The following ZFPM2 variants were observed in gnomAD, a reference collection of about 807,000 sequenced individuals.
The protein encoded by ZFPM2 is zinc finger protein ZFPM2.
ZFPM2 carries 20 observed loss-of-function variants against 98.6 expected under a neutral mutation model. The ratio of observed to expected loss-of-function variants is 0.20; its 90% CI spans 0.14 to 0.29. ZFPM2 has a LOEUF of 0.29. Ranked by LOEUF, ZFPM2 falls within the 10% of genes least tolerant of loss-of-function variation. The pLI is 1.00. For synonymous variants in ZFPM2, 518 were observed against 502.7 expected, an observed-to-expected ratio of 1.03 and a Z score of -0.41; for missense variants, 1,310 against 1,388.6, an observed-to-expected ratio of 0.94 and a Z score of 0.90.
At position 105,550,725 on chromosome 8, in the gene ZFPM2, G is replaced by T. The variant is rs369280107; in HGVS notation, c.302-10638G>T. 8.1e-4 allele frequency among the ~76,000 whole-genome samples: 124 copies of T among 152,262 alleles called. 1 individual carries two copies. The highest frequency in any genetic ancestry group is 2.7e-3 in the African/African-American group (112 of 41,552). On this transcript the variant is annotated intron_variant, in intron 3 of 7. Coordinates refer to ENST00000407775, the MANE Select transcript of ZFPM2 (RefSeq NM_012082.4). ...ACAAGGAGAGGCTGTGTGAATCAGGGAAGTGTTCACCAGAGAATGGCAGAT... is the reference window on the plus strand; with the variant it reads ...ACAAGGAGAGGCTGTGTGAATCAGGTAAGTGTTCACCAGAGAATGGCAGAT...
chr8:105,628,140 G>A (rs113046060), intron 4 of ZFPM2, among the ~76,000 whole-genome samples: 43 of 152,216 alleles, frequency 2.8e-4, no homozygotes, highest in African/African-American at 8.4e-4. Context: ...TAGCCCCACC[G>A]TGCTGATGTC....
At chr8:105,546,035 T>C (rs73306230) in intron 3 of ZFPM2, among the ~76,000 whole-genome samples, 14,149 of 151,996 alleles carry the variant, frequency 0.093, 953 homozygotes, top group African/African-American at 0.2. Context: ...CAGTGTGGGG[T>C]TACTGTGGGC....
At chr8:105,673,098 C>T (rs762259958) in intron 5 of ZFPM2, among the ~76,000 whole-genome samples, 14 of 150,202 alleles carry the variant, frequency 9.3e-5, no homozygotes, top group East Asian at 3.9e-4. Context: ...GAGAAGTGAA[C>T]GAGAGATTGG....
At chr8:105,501,208 A>T (rs570792888) in intron 3 of ZFPM2, among the ~76,000 whole-genome samples, 1 of 141,250 alleles carries the variant, frequency 7.1e-6, no homozygotes, top group Non-Finnish European at 1.5e-5. Context: ...TTTGAGATGG[A>T]GTCTTGCTCT....
chr8:105,445,652 T>G (rs1468503833), intron 3 of ZFPM2, among the ~76,000 whole-genome samples: 1 of 152,024 alleles, frequency 6.6e-6, no homozygotes, highest in Non-Finnish European at 1.5e-5. Flanking sequence ...TTGCCCAGTC[T>G]GGGGTGCAGT....
intron 1 of ZFPM2, among the ~76,000 whole-genome samples, chr8:105,366,573 G>A (rs533546990): frequency 2.2e-4 from 33 of 151,522 alleles, no homozygotes; most frequent in South Asian, 1.9e-3. Flanking sequence ...CATTGTGCAG[G>A]TTAGTTACAT....
chr8:105,367,017 C>T, intron 1 of ZFPM2, among the ~76,000 whole-genome samples: 1 of 138,588 alleles, frequency 7.2e-6, no homozygotes, highest in African/African-American at 2.8e-5. Flanking sequence ...TCAGGTTTGT[C>T]AAAGATCAGA....
At chr8:105,733,592 C>T (rs534339800) in intron 5 of ZFPM2, among the ~76,000 whole-genome samples, 1 of 151,866 alleles carries the variant, frequency 6.6e-6, no homozygotes, top group South Asian at 2.1e-4. Context: ...CCTGGAGGCA[C>T]TTAGAATCTA....
At chr8:105,732,571 A>T (rs1811966077) in intron 5 of ZFPM2, among the ~76,000 whole-genome samples, 1 of 151,864 alleles carries the variant, frequency 6.6e-6, no homozygotes, top group African/African-American at 2.4e-5. Flanking sequence ...CAAGTGAGGG[A>T]TGTTGCTTCT....
chr8:105,472,111 T>G (rs1812916021), intron 3 of ZFPM2, among the ~76,000 whole-genome samples: 1 of 152,200 alleles, frequency 6.6e-6, no homozygotes, highest in African/African-American at 2.4e-5. Context: ...TTTAGTTGTC[T>G]TACACTTTAG....
intron 4 of ZFPM2, among the ~76,000 whole-genome samples, chr8:105,586,699 G>A (rs955440226): frequency 1.3e-5 from 2 of 151,948 alleles, no homozygotes; most frequent in African/African-American, 4.8e-5. Context: ...GGGATTACAG[G>A]CGTGAGCCAC....
At chr8:105,728,721 T>C (rs568469114) in intron 5 of ZFPM2, among the ~76,000 whole-genome samples, 20 of 151,908 alleles carry the variant, frequency 1.3e-4, no homozygotes, top group African/African-American at 4.8e-4. Context: ...CATTCATATT[T>C]CATATTTAAA....
chr8:105,560,040 C>A (rs114495591), intron 3 of ZFPM2, among the ~76,000 whole-genome samples: 4,198 of 151,936 alleles, frequency 0.028, 197 homozygotes, highest in African/African-American at 0.096. Flanking sequence ...AAACCCTGCT[C>A]TACTAAAAAT....
intron 5 of ZFPM2, among the ~76,000 whole-genome samples, chr8:105,660,599 C>T (rs1196177645): frequency 6.6e-6 from 1 of 152,154 alleles, no homozygotes; most frequent in Non-Finnish European, 1.5e-5. Flanking sequence ...ATATGAATAT[C>T]TATATCTATC....
intron 2 of ZFPM2, among the ~76,000 whole-genome samples, chr8:105,432,384 G>A (rs904963688): frequency 7.9e-5 from 12 of 152,274 alleles, no homozygotes; most frequent in Admixed American, 3.3e-4. Flanking sequence ...GATATGGAAC[G>A]ATGCCTTTGT....
chr8:105,482,401 T>G (rs528849321), intron 3 of ZFPM2, among the ~76,000 whole-genome samples: 126 of 152,302 alleles, frequency 8.3e-4, no homozygotes, highest in African/African-American at 2.9e-3. Flanking sequence ...ATTCAGATGC[T>G]TTGTCCATTA....
chr8:105,441,456 A>AGAG (rs1563659915), intron 2 of ZFPM2, among the ~76,000 whole-genome samples: 1 of 46,126 alleles, frequency 2.2e-5, no homozygotes, highest in African/African-American at 1.3e-4. Flanking sequence ...GAGAGAGAGA[A>AGAG]AGAAAGAAAG....
intron 4 of ZFPM2, among the ~76,000 whole-genome samples, chr8:105,589,127 G>T (rs1208739811): frequency 6.6e-6 from 1 of 152,178 alleles, no homozygotes; most frequent in Non-Finnish European, 1.5e-5. Context: ...CAAACTCCAT[G>T]GAGCCCCCTC....
At chr8:105,499,252 GAAA>G (rs550118982) in intron 3 of ZFPM2, among the ~76,000 whole-genome samples, 1 of 121,734 alleles carries the variant, frequency 8.2e-6, no homozygotes, top group East Asian at 2.3e-4. Context: ...CTAGATTCCA[GAAA>G]AAAAAAAAAA....
Sources: allele counts gnomAD v4.1 joint callset (sites outside exome capture counted in the v4.1 genomes callset), GRCh38; gene constraint gnomAD v4.1.1; transcripts MANE v1.5; gene names NCBI Gene and HGNC (gene_info 2026-07-23, HGNC 2026-07-21).